ATG7: variants seen among roughly 807,000 people sequenced by gnomAD.
ATG7 encodes the protein ubiquitin-like modifier-activating enzyme ATG7.
A neutral mutation model predicts 82.4 loss-of-function variants in ATG7; 70 were observed. The observed-to-expected ratio is 0.85, with a 90% CI of 0.70 to 1.04. The LOEUF is 1.04. Among genes scored for constraint, ATG7 ranks in the 50% least tolerant of loss-of-function variants. The probability of loss-of-function intolerance (pLI) is 0.00; values close to 1 mark genes in which losing one functional copy is unlikely to be tolerated. For missense variants in ATG7, 792 were observed against 864.3 expected (o/e 0.92, Z 1.05); for synonymous variants, 287 against 313.0 (o/e 0.92, Z 0.88).
chr3:11,419,409 C>T (rs1338252457), intron 19 of ATG7, among the ~76,000 whole-genome samples: 1 of 152,072 alleles, frequency 6.6e-6, no homozygotes, highest in Non-Finnish European at 1.5e-5. Flanking sequence ...CAAAAATTAG[C>T]CAGGAATGGT....
At chr3:11,571,319 C>T in the ATG7 span, among the ~76,000 whole-genome samples, 4 of 152,150 alleles carry the variant, frequency 2.6e-5, no homozygotes, top group Admixed American at 6.5e-5. Flanking sequence ...GAATGAAACC[C>T]GAGTGCGAAT....
At chr3:11,566,180 G>A in the ATG7 span, among the ~76,000 whole-genome samples, 4 of 152,112 alleles carry the variant, frequency 2.6e-5, no homozygotes, top group South Asian at 2.1e-4. Context: ...ACAATGTTAC[G>A]CATGCACACA....
At chr3:11,413,427 TC>T (rs112866544) in intron 19 of ATG7, among the ~76,000 whole-genome samples, 2 of 152,018 alleles carry the variant, frequency 1.3e-5, no homozygotes, top group Admixed American at 6.6e-5. Flanking sequence ...TTGTGTGGCT[TC>T]CCCCCCGCCC....
At chr3:11,495,072 C>G (rs950426863) in intron 20 of ATG7, among the ~76,000 whole-genome samples, 3 of 151,326 alleles carry the variant, frequency 2.0e-5, no homozygotes, top group East Asian at 3.9e-4. Flanking sequence ...AGCAAGGCTC[C>G]GTCTCAGAAA....
rs867640092 is a variant in ATG7, at chr3:11,277,991, G to A, written c.-365-3003G>A. Among the ~76,000 whole-genome samples, 6 of 145,802 alleles carry A rather than the reference G, an allele frequency of 4.1e-5. No homozygotes were observed. In the South Asian group the frequency reaches 8.6e-4, roughly 21 times the overall value. On this transcript the variant is annotated intron_variant, in intron 1 of 20. Coordinates refer to ENST00000693202, the MANE Select transcript of ATG7 (RefSeq NM_001349232.2). ...TTAGTGATATCTTCCCTACTTGCAC[G>A]TCTGTTTATAGGCTCTCTGCAAGAA...
intron 19 of ATG7, among the ~76,000 whole-genome samples, chr3:11,388,410 C>T (rs920930086): frequency 4.0e-5 from 6 of 151,686 alleles, no homozygotes; most frequent in Non-Finnish European, 7.4e-5. Context: ...AGGTCCCCAA[C>T]TAGCCACTGC....
At chr3:11,570,387 C>T in the ATG7 span, among the ~76,000 whole-genome samples, 1 of 152,136 alleles carries the variant, frequency 6.6e-6, no homozygotes, top group African/African-American at 2.4e-5. Flanking sequence ...AAGGTCTGTC[C>T]CCGGACAGTC....
At position 11,326,296 on chromosome 3, in the gene ATG7, TG is replaced by T. The variant is rs558803611; in HGVS notation, c.679-5043del. Reference sequence around the variant, plus strand: ...AGAGTTGTAAATGCTGTTTTTTTTTTGTTGTTGTTGTTTTGTTTTTGAGACA... The same window carrying T: ...AGAGTTGTAAATGCTGTTTTTTTTTTTTGTTGTTGTTTTGTTTTTGAGACA... On this transcript the variant is annotated intron_variant, in intron 9 of 20. Coordinates refer to ENST00000693202, the MANE Select transcript of ATG7 (RefSeq NM_001349232.2). Among the ~76,000 whole-genome samples the T allele has an allele frequency of 1.2e-4, 16 of 131,960 alleles. No individual in the cohort carries two copies. In the South Asian group the frequency reaches 3.7e-3, roughly 30 times the overall value. The allele number at this position is 131,960 out of a possible 152,430, so 86.6% of individuals were successfully genotyped here.
chr3:11,458,276 T>G (rs2152994491), intron 20 of ATG7, among the ~76,000 whole-genome samples: 1 of 152,200 alleles, frequency 6.6e-6, no homozygotes, highest in East Asian at 1.9e-4. Flanking sequence ...TTTGTTTTGT[T>G]TTGTTTTGAT....
At chr3:11,552,816 GCCAGTCCCAGGCCAC>G (rs763292054) in intron 20 of ATG7, among the ~76,000 whole-genome samples, 15 of 152,144 alleles carry the variant, frequency 9.9e-5, no homozygotes, top group South Asian at 2.1e-4. Context: ...ACCTTCCAGG[GCCAGTCCCAGGCCAC>G]CCAGTCCCAG....
intron 20 of ATG7, among the ~76,000 whole-genome samples, chr3:11,546,782 A>G (rs1575280542): frequency 6.6e-6 from 1 of 152,170 alleles, no homozygotes; most frequent in South Asian, 2.1e-4. Flanking sequence ...CCTAATGCAG[A>G]GTGGCAGCCC....
In ATG7 at chr3:11,306,836, G is replaced by T. The variant is rs1399311526; in HGVS notation, c.216-107G>T. The T allele has an allele frequency of 6.5e-6, 5 of 771,582 alleles. No individual in the cohort carries two copies. In the African/African-American group the frequency reaches 7.0e-5, roughly 11 times the overall value. The allele number at this position is 771,582 out of a possible 1,614,324, so 47.8% of individuals were successfully genotyped here. ...AAAACATACAGTTAATCTTCTGTTT[G>T]CCCTGCAGAGCAATACCCTTTTTAT... On this transcript the variant is annotated intron_variant, in intron 5 of 20. Transcript: ENST00000693202.
chr3:11,514,226 C>T (rs910196215), intron 20 of ATG7, among the ~76,000 whole-genome samples: 40 of 152,308 alleles, frequency 2.6e-4, no homozygotes, highest in African/African-American at 8.9e-4. Flanking sequence ...GTGGTTGAGT[C>T]AAGATTGGAA....
At chr3:11,511,380 A>G (rs995295383) in intron 20 of ATG7, among the ~76,000 whole-genome samples, 3 of 152,220 alleles carry the variant, frequency 2.0e-5, no homozygotes, top group African/African-American at 4.8e-5. Flanking sequence ...AGGTTCTCCA[A>G]GGCCCCACCA....
At chr3:11,544,723 C>A (rs1299995028) in intron 20 of ATG7, among the ~76,000 whole-genome samples, 1 of 152,264 alleles carries the variant, frequency 6.6e-6, no homozygotes, top group East Asian at 1.9e-4. Context: ...CTGTGTGTGT[C>A]TCAGGTATTA....
chr3:11,293,721 C>T (rs779963274), intron 3 of ATG7, among the ~76,000 whole-genome samples: 3 of 151,722 alleles, frequency 2.0e-5, no homozygotes, highest in Non-Finnish European at 4.4e-5. Flanking sequence ...CATGGTGGCT[C>T]ACGCCTGTAA....
At chr3:11,506,433 G>A (rs530424538) in intron 20 of ATG7, among the ~76,000 whole-genome samples, 5 of 151,944 alleles carry the variant, frequency 3.3e-5, no homozygotes, top group Non-Finnish European at 7.4e-5. Context: ...TCCATCATTG[G>A]TTGGGTGTGG....
At chr3:11,435,424 C>T (rs1259278115) in intron 20 of ATG7, among the ~76,000 whole-genome samples, 1 of 152,238 alleles carries the variant, frequency 6.6e-6, no homozygotes, top group African/African-American at 2.4e-5. Context: ...ACATGCTACT[C>T]ACTACCCCTC....
At chr3:11,558,747 G>A (rs1034242183), downstream of ATG7, 3 of 1,614,064 alleles carry the variant, frequency 1.9e-6, no homozygotes, top group East Asian at 2.2e-5. Flanking sequence ...ACGGAGTTGG[G>A]TGCCGGCTCG....
Sources: gnomAD v4.1 joint callset for allele counts (sites outside exome capture counted in the v4.1 genomes callset) on GRCh38, gnomAD v4.1.1 for gene constraint, MANE v1.5 for transcripts, NCBI Gene and HGNC (gene_info 2026-07-23, HGNC 2026-07-21) for gene names.